NPAT: variants seen among roughly 807,000 people sequenced by gnomAD.
NPAT encodes the protein nuclear protein, coactivator of histone transcription.
NPAT carries 52 observed loss-of-function variants against 130.7 expected under a neutral mutation model. The observed-to-expected ratio is 0.40, with a 90% CI of 0.32 to 0.50. The LOEUF (loss-of-function observed/expected upper bound fraction) is 0.50, where lower values mean the gene tolerates loss of function less well. Among genes scored for constraint, NPAT ranks in the 20% least tolerant of loss-of-function variants. NPAT has a pLI of 0.68. For synonymous variants in NPAT, 580 were observed against 584.8 expected (o/e 0.99, Z 0.12); for missense variants, 1,687 against 1,662.6 (o/e 1.01, Z -0.26).
At position 108,172,522 on chromosome 11, in the gene NPAT, T is replaced by C. The variant is rs746211056; in HGVS notation, c.2462A>G (p.Asp821Gly). ...ATTCTGAGTATTGTTTACTGCAGAG[T>C]CTTCAGATTTGAATGTTAAAAGACT... is the stretch of plus-strand genomic sequence containing the variant. ...EQSLLTFKSE[D>G]SAVNNTQNED... Residue 821 changes from aspartate (D) to glycine (G), a missense_variant, in exon 13 of 18, where the codon GAC becomes GGC. By Grantham distance (94) the Asp-to-Gly change is moderately conservative. Around this residue, in one of 3 missense-constraint regions of NPAT, gnomAD observed 1,379 missense variants for 1,346.6 expected, o/e 1.02. Transcript: ENST00000278612. 2 of 1,614,188 alleles carry C rather than the reference T, an allele frequency of 1.2e-6. No homozygotes were observed. The highest frequency in any genetic ancestry group is 1.7e-6 in the Non-Finnish European group (2 of 1,180,032).
At chr11:108,167,427 G>A (rs2077911803) in intron 15 of NPAT, among the ~76,000 whole-genome samples, 1 of 152,100 alleles carries the variant, frequency 6.6e-6, no homozygotes, top group African/African-American at 2.4e-5. Context: ...TGCCCAGGCT[G>A]GTCTCAAACT....
intron 5 of NPAT, among the ~76,000 whole-genome samples, chr11:108,189,775 CAGG>C (rs1416808607): frequency 6.7e-6 from 1 of 149,568 alleles, no homozygotes; most frequent in Non-Finnish European, 1.5e-5. Flanking sequence ...GAGGCTGAGG[CAGG>C]AGAATGGCGT....
intron 16 of NPAT, 48 bp downstream of exon 16, chr11:108,162,072 A>C: frequency 3.1e-6 from 5 of 1,611,616 alleles, no homozygotes; most frequent in Non-Finnish European, 4.2e-6. Context: ...TTTATGTTTT[A>C]AATCTGAGCA....
Position 108,172,569 on chromosome 11 carries a change from C to A in NPAT, c.2415G>T (p.Gly805=). The A allele has an allele frequency of 6.2e-7, 1 of 1,614,088 alleles. No individual in the cohort carries two copies. Among genetic ancestry groups the A allele is most frequent in the Non-Finnish European group, 8.5e-7 (1 of 1,180,012 alleles). The change falls in exon 13 of 18, where the codon GGG becomes GGT. Residue 805 remains glycine (G), a synonymous_variant. Coordinates refer to ENST00000278612, the MANE Select transcript of NPAT (RefSeq NM_002519.3). Reference sequence around the variant, plus strand: ...GACTCTGTTCCATTGAGGCTGAATCCCCTACTTCGGCATATACAACAGCAC... The same window carrying A: ...GACTCTGTTCCATTGAGGCTGAATCACCTACTTCGGCATATACAACAGCAC... ...TVGAVVYAEV[G]DSASMEQSLL...
chr11:108,218,062 C>T (rs953384750), intron 1 of NPAT, among the ~76,000 whole-genome samples: 3 of 152,112 alleles, frequency 2.0e-5, no homozygotes, highest in Admixed American at 1.3e-4. Context: ...TAATACAAAT[C>T]GTTATTCTAC....
At chr11:108,174,151 C>CA (rs2077982478) in intron 12 of NPAT, among the ~76,000 whole-genome samples, 1 of 152,234 alleles carries the variant, frequency 6.6e-6, no homozygotes, top group East Asian at 1.9e-4. Flanking sequence ...ATACTGGCTC[C>CA]AAAAATGAAG....
chr11:108,181,470 AAAC>A (rs1277676652), intron 10 of NPAT, among the ~76,000 whole-genome samples: 2 of 152,070 alleles, frequency 1.3e-5, no homozygotes, highest in Admixed American at 1.3e-4. Context: ...GTCTCAAAAA[AAAC>A]AAAAACAAAA....
chr11:108,221,037 T>C (rs2078484778), intron 1 of NPAT, among the ~76,000 whole-genome samples: 2 of 152,256 alleles, frequency 1.3e-5, no homozygotes, highest in South Asian at 4.1e-4. Context: ...GTAGCTGGTT[T>C]GTGGAGAAAG....
rs74470272 is a variant in NPAT, at chr11:108,208,532, G to A, written c.38-11112C>T. 4.6e-3 allele frequency: 2,096 copies of A among 451,678 alleles called. 40 individuals are homozygous for A. The highest frequency in any genetic ancestry group is 0.034 in the African/African-American group (1,706 of 49,486). The allele number at this position is 451,678 out of a possible 1,614,324, so 28.0% of individuals were successfully genotyped here. ...GAGCCCAGGAGGTCGAGGCTGCAGC[G>A]AACCATGACTGCACCACTGCACTCG... On this transcript the variant is annotated intron_variant, in intron 1 of 17. Transcript: ENST00000278612.
chr11:108,222,370 C>A (rs2078528927), intron 1 of NPAT, 130 bp downstream of exon 1: 1 of 911,034 alleles, frequency 1.1e-6, no homozygotes, highest in African/African-American at 1.6e-5. Context: ...AGAATCACCG[C>A]CAGTCTCAAC....
intron 3 of NPAT, 89 bp downstream of exon 3, chr11:108,193,868 A>G (rs1366806370): frequency 1.2e-6 from 1 of 827,824 alleles, no homozygotes; most frequent in Non-Finnish European, 2.0e-6. Flanking sequence ...TTTATGAGAC[A>G]TTAATAACCT....
Position 108,185,611 on chromosome 11 carries a change from A to G in NPAT, c.727-117T>C, listed in dbSNP as rs117962320. The G allele has an allele frequency of 3.9e-3, 2,839 of 732,900 alleles. 19 individuals are homozygous for G. Among genetic ancestry groups the G allele is most frequent in the South Asian group, 7.2e-3 (445 of 61,390 alleles). The allele number at this position is 732,900 out of a possible 1,614,324, so 45.4% of individuals were successfully genotyped here. On this transcript the variant is annotated intron_variant, in intron 8 of 17. Transcript: ENST00000278612. ...ATAGTTTTAATAAACCTAAATGGAA[A>G]CTCAGAAGTTGTGATGGCTCCCTCC...
Position 108,222,423 on chromosome 11 carries a change from G to A in NPAT, c.37+77C>T. 1.0e-5 allele frequency: 15 copies of A among 1,505,326 alleles called. No homozygotes were observed. In the South Asian group the frequency reaches 1.5e-4, roughly 15 times the overall value. The allele number at this position is 1,505,326 out of a possible 1,614,324, so 93.2% of individuals were successfully genotyped here. Reference sequence around the variant, plus strand: ...AAACCCCAAAGCTTCCCTACCAAGGGAAAACCTTTGGCCTCAAAGGTCCTT... The same window carrying A: ...AAACCCCAAAGCTTCCCTACCAAGGAAAAACCTTTGGCCTCAAAGGTCCTT... On this transcript the variant is annotated intron_variant, in intron 1 of 17. Transcript: ENST00000278612.
chr11:108,210,948 C>T (rs908242036), intron 1 of NPAT, among the ~76,000 whole-genome samples: 3 of 152,162 alleles, frequency 2.0e-5, no homozygotes, highest in South Asian at 2.1e-4. Flanking sequence ...GAGCCAGGGT[C>T]AATGGCTCAT....
At chr11:108,212,945 C>CA (rs34466178) in intron 1 of NPAT, among the ~76,000 whole-genome samples, 896 of 36,408 alleles carry the variant, frequency 0.025, 63 homozygotes, top group Non-Finnish European at 0.028. Flanking sequence ...GACTCTGTCT[C>CA]AAAAAAAAAA....
At chr11:108,184,421 G>A (rs1310269787) in intron 10 of NPAT, among the ~76,000 whole-genome samples, 1 of 149,564 alleles carries the variant, frequency 6.7e-6, no homozygotes, top group Non-Finnish European at 1.5e-5. Flanking sequence ...GCAGTGACCT[G>A]ACATTGTGCC....
At position 108,173,322 on chromosome 11, in the gene NPAT, A is replaced by G. The variant is rs778693285; in HGVS notation, c.1662T>C (p.Ser554=). 1.2e-6 allele frequency: 2 copies of G among 1,612,550 alleles called. No individual in the cohort carries two copies. Among genetic ancestry groups the G allele is most frequent in the Non-Finnish European group, 1.7e-6 (2 of 1,178,952 alleles). ...TAATTTTAAGTTTTACTGTATCATTAGAATTTTCACAAAATTGACTTTTTT... is the reference window on the plus strand; with the variant it reads ...TAATTTTAAGTTTTACTGTATCATTGGAATTTTCACAAAATTGACTTTTTT... ...PSKKSQFCEN[S]NDTVKLKINF... The change falls in exon 13 of 18, where the codon TCT becomes TCC. Residue 554 remains serine, a synonymous_variant. Transcript: ENST00000278612.
In NPAT at chr11:108,169,831, C is replaced by G; in HGVS notation, c.2923G>C (p.Ala975Pro). The G allele has an allele frequency of 6.2e-7, 1 of 1,613,938 alleles. No homozygotes were observed. Among genetic ancestry groups the G allele is most frequent in the Non-Finnish European group, 8.5e-7 (1 of 1,179,858 alleles). Residue 975 changes from alanine (A) to proline (P), a missense_variant, in exon 15 of 18, where the codon GCA (alanine) becomes CCA (proline). Around this residue, in one of 3 missense-constraint regions of NPAT, gnomAD observed 1,379 missense variants for 1,346.6 expected, o/e 1.02. Coordinates refer to ENST00000278612, the MANE Select transcript of NPAT (RefSeq NM_002519.3). Reference protein sequence around the residue: ...PRQVLHMPLTAPVCNRSIPQF... With the variant: ...PRQVLHMPLTPPVCNRSIPQF... ...GGGATACTTCTATTGCATACAGGTG[C>G]TGTCAAAGGCATATGAAGAACCTGG...
At chr11:108,192,266 A>T (rs868773723) in intron 3 of NPAT, 76 bp from the exon 4 acceptor site, 7 of 925,928 alleles carry the variant, frequency 7.6e-6, no homozygotes, top group South Asian at 6.5e-5. Context: ...AAAGACACAC[A>T]AAAAACCTTG....
Sources: allele counts gnomAD v4.1 joint callset (sites outside exome capture counted in the v4.1 genomes callset), GRCh38; gene constraint gnomAD v4.1.1; regional missense constraint gnomAD v4.1.1; transcripts MANE v1.5; gene names NCBI Gene and HGNC (gene_info 2026-07-23, HGNC 2026-07-21).